Variants in MIPOL1 observed in about 807,000 individuals in gnomAD.
The protein encoded by MIPOL1 is mirror-image polydactyly gene 1 protein.
MIPOL1 carries 57 observed loss-of-function variants against 60.9 expected under a neutral mutation model. The ratio of observed to expected loss-of-function variants is 0.94; its 90% CI spans 0.76 to 1.17. The LOEUF (loss-of-function observed/expected upper bound fraction) is 1.17, where lower values mean the gene tolerates loss of function less well. Among genes scored for constraint, MIPOL1 ranks in the 50% most tolerant of loss-of-function variants. The pLI, the probability that MIPOL1 is intolerant of heterozygous loss-of-function variation, is 0.00. For synonymous variants in MIPOL1, 179 were observed against 168.8 expected (o/e 1.06, Z -0.47); for missense variants, 551 against 511.6 (o/e 1.08, Z -0.74).
At chr14:37,409,514 G>A (rs895109386) in intron 10 of MIPOL1, among the ~76,000 whole-genome samples, 3 of 152,178 alleles carry the variant, frequency 2.0e-5, no homozygotes, top group African/African-American at 7.2e-5. Flanking sequence ...GTGGCTGGGC[G>A]CAGTGGCTCA....
chr14:37,423,202 A>G (rs2093906476), intron 11 of MIPOL1, among the ~76,000 whole-genome samples: 3 of 151,694 alleles, frequency 2.0e-5, no homozygotes, highest in African/African-American at 7.2e-5. Context: ...CCAGTTGTCT[A>G]AATGAAGCCT....
At chr14:37,198,685 G>A (rs990867106) in intron 1 of MIPOL1, among the ~76,000 whole-genome samples, 1 of 152,130 alleles carries the variant, frequency 6.6e-6, no homozygotes, top group Non-Finnish European at 1.5e-5. Context: ...CGCATTATTA[G>A]ACAAGGATGG....
At chr14:37,441,716 G>GT (rs1566610900) in intron 11 of MIPOL1, among the ~76,000 whole-genome samples, 1 of 151,502 alleles carries the variant, frequency 6.6e-6, no homozygotes, top group Non-Finnish European at 1.5e-5. Flanking sequence ...GTTTTTTGGG[G>GT]TTTTTTGCTT....
chr14:37,234,974 A>ATTG (rs1567094191), intron 1 of MIPOL1, among the ~76,000 whole-genome samples: 2 of 130,006 alleles, frequency 1.5e-5, no homozygotes, highest in Non-Finnish European at 3.3e-5. Context: ...TGTATTTTTC[A>ATTG]TAGAGACAGG....
intron 1 of MIPOL1, among the ~76,000 whole-genome samples, chr14:37,203,099 G>A (rs1321065394): frequency 6.6e-6 from 1 of 152,176 alleles, no homozygotes; most frequent in Admixed American, 6.5e-5. Flanking sequence ...TTAATCAATT[G>A]TAGCTGCTTT....
chr14:37,272,587 A>G (rs1329115027), intron 6 of MIPOL1, among the ~76,000 whole-genome samples: 1 of 151,572 alleles, frequency 6.6e-6, no homozygotes, highest in East Asian at 1.9e-4. Context: ...GCAAAACAGA[A>G]CAACAAAAAC....
intron 11 of MIPOL1, among the ~76,000 whole-genome samples, chr14:37,483,995 A>G (rs968913992): frequency 6.6e-5 from 10 of 152,226 alleles, no homozygotes; most frequent in African/African-American, 2.4e-4. Context: ...ACTGTTCACA[A>G]TAGCCAAGTT....
chr14:37,530,804 G>A (rs2153635998), intron 12 of MIPOL1, among the ~76,000 whole-genome samples: 1 of 151,952 alleles, frequency 6.6e-6, no homozygotes, highest in East Asian at 1.9e-4. Flanking sequence ...AGCAGCTGGA[G>A]GCTGCATGTA....
intron 7 of MIPOL1, among the ~76,000 whole-genome samples, chr14:37,295,717 A>G (rs4900752): frequency 0.96 from 146,768 of 152,240 alleles, 70,839 homozygotes; most frequent in East Asian, 1. Context: ...AGGCCATTGC[A>G]TAATGGTAAA....
In MIPOL1 at chr14:37,481,233, C is replaced by T. The variant is rs186331312; in HGVS notation, c.1032-18675C>T. On this transcript the variant is annotated intron_variant, in intron 11 of 12. Transcript: ENST00000684589. ...AGCACTTCTATGCACTAACAACAAA[C>T]TATCTGAACCAGAAATCAAGAGAAC... is the stretch of plus-strand genomic sequence containing the variant. Among the ~76,000 whole-genome samples the T allele has an allele frequency of 1.4e-4, 22 of 152,214 alleles. No individual in the cohort carries two copies. The East Asian group carries it at 3.1e-3, about 21-fold the overall frequency.
intron 12 of MIPOL1, chr14:37,504,726 G>C (rs1273647654): frequency 6.6e-6 from 1 of 152,150 alleles, no homozygotes; most frequent in Non-Finnish European, 1.5e-5. Context: ...AAATTCAAAA[G>C]CTAGCACAAG....
At chr14:37,270,589 T>C in intron 6 of MIPOL1, 64 bp downstream of exon 6, 1 of 804,412 alleles carries the variant, frequency 1.2e-6, no homozygotes, top group East Asian at 3.1e-5. Context: ...ATATGATGTA[T>C]CTTGGTGAAT....
intron 12 of MIPOL1, among the ~76,000 whole-genome samples, chr14:37,539,572 C>T (rs74634708): frequency 0.046 from 6,994 of 152,106 alleles, 586 homozygotes; most frequent in African/African-American, 0.16. Context: ...AGAGAGTAAC[C>T]AATAATGGTG....
intron 12 of MIPOL1, among the ~76,000 whole-genome samples, chr14:37,522,382 A>G (rs960129772): frequency 1.3e-5 from 2 of 152,232 alleles, no homozygotes; most frequent in African/African-American, 4.8e-5. Flanking sequence ...CCCATCGTGG[A>G]CAAAGTGTAC....
intron 9 of MIPOL1, among the ~76,000 whole-genome samples, chr14:37,357,687 A>G (rs566203166): frequency 6.6e-6 from 1 of 151,896 alleles, no homozygotes; most frequent in South Asian, 2.1e-4. Flanking sequence ...TAGTTTGCAA[A>G]TATTTTCTCC....
At chr14:37,482,163 C>T (rs1233725342) in intron 11 of MIPOL1, among the ~76,000 whole-genome samples, 1 of 152,114 alleles carries the variant, frequency 6.6e-6, no homozygotes, top group African/African-American at 2.4e-5. Flanking sequence ...GGAGAAAATA[C>T]TTGGAAACCA....
At chr14:37,451,804 CTCTCTT>C (rs1464944104) in intron 11 of MIPOL1, among the ~76,000 whole-genome samples, 5 of 108,408 alleles carry the variant, frequency 4.6e-5, no homozygotes, top group African/African-American at 1.7e-4. Context: ...TTTGTTTATT[CTCTCTT>C]TTTTTTTTTT....
chr14:37,542,953 A>T (rs954051692), intron 12 of MIPOL1, among the ~76,000 whole-genome samples: 2 of 152,156 alleles, frequency 1.3e-5, no homozygotes, highest in African/African-American at 4.8e-5. Flanking sequence ...TTTACGTCCT[A>T]CTGATACCAC....
At chr14:37,253,649 A>G (rs1292239063) in intron 3 of MIPOL1, among the ~76,000 whole-genome samples, 1 of 151,838 alleles carries the variant, frequency 6.6e-6, no homozygotes, top group Non-Finnish European at 1.5e-5. Flanking sequence ...TTTCAAAAGT[A>G]TTATGAATCC....
Sources: allele counts gnomAD v4.1 joint callset (sites outside exome capture counted in the v4.1 genomes callset), GRCh38; gene constraint gnomAD v4.1.1; transcripts MANE v1.5; gene names NCBI Gene and HGNC (gene_info 2026-07-23, HGNC 2026-07-21).